The following NEURL1 variants were observed in gnomAD, a reference collection of about 807,000 sequenced individuals.
NEURL1 encodes the protein E3 ubiquitin-protein ligase NEURL1.
A neutral mutation model predicts 41.2 loss-of-function variants in NEURL1; 26 were observed. That is an observed-to-expected ratio of 0.63 (90% CI 0.46 to 0.87). The LOEUF is 0.87. NEURL1 is among the 40% of genes least tolerant of loss of function. NEURL1 has a pLI of 0.00. For synonymous variants in NEURL1, 400 were observed against 402.3 expected, an observed-to-expected ratio of 0.99 and a Z score of 0.07; for missense variants, 761 against 871.1, an observed-to-expected ratio of 0.87 and a Z score of 1.59.
rs1192680155 is a variant in NEURL1, at chr10:103,566,373, C to T, written c.86-4499C>T. Among the ~76,000 whole-genome samples the T allele has an allele frequency of 2.0e-5, 3 of 152,172 alleles. No homozygotes were observed. Among genetic ancestry groups the T allele is most frequent in the African/African-American group, 7.2e-5 (3 of 41,426 alleles). ...CCTGCCTCTTTGTAGTCAAATCTCT[C>T]CCCTACTCTCCTTCTCTGATACCTA... On this transcript the variant is annotated intron_variant, in intron 1 of 5. Coordinates refer to ENST00000369780, the MANE Select transcript of NEURL1 (RefSeq NM_004210.5). The surrounding 1 kb of genome is among the most constrained non-coding windows in gnomAD (Gnocchi z 4.2).
intron 1 of NEURL1, among the ~76,000 whole-genome samples, chr10:103,563,857 C>T (rs2035360069): frequency 6.6e-6 from 1 of 152,214 alleles, no homozygotes; most frequent in South Asian, 2.1e-4. Context: ...CAGATCTGGG[C>T]TCCTCACTCA....
intron 1 of NEURL1, among the ~76,000 whole-genome samples, chr10:103,564,675 G>A (rs954066562): frequency 1.3e-4 from 20 of 152,282 alleles, no homozygotes; most frequent in African/African-American, 3.9e-4. Context: ...TAACCATTCC[G>A]AATCCAACTC....
chr10:103,574,209 T>C (rs778248766), intron 3 of NEURL1, among the ~76,000 whole-genome samples: 3 of 152,056 alleles, frequency 2.0e-5, no homozygotes, highest in South Asian at 2.1e-4. Context: ...CCCAGGCTCA[T>C]TGGGAAGTTA....
intron 1 of NEURL1, among the ~76,000 whole-genome samples, chr10:103,521,761 G>C (rs1442969683): frequency 6.6e-6 from 1 of 152,118 alleles, no homozygotes; most frequent in Non-Finnish European, 1.5e-5. Context: ...GGGAGTGATC[G>C]ATGAGAAGGA....
intron 1 of NEURL1, among the ~76,000 whole-genome samples, chr10:103,563,729 C>T (rs1267008366): frequency 6.6e-6 from 1 of 151,882 alleles, no homozygotes; most frequent in Non-Finnish European, 1.5e-5. Context: ...TTTTAATCCT[C>T]ACAAGAATCC....
chr10:103,550,267 G>A (rs2035006891), intron 1 of NEURL1, among the ~76,000 whole-genome samples: 1 of 152,292 alleles, frequency 6.6e-6, no homozygotes, highest in South Asian at 2.1e-4. Context: ...TGTCTGAAAG[G>A]GGTCAGGGGA....
chr10:103,575,935 C>T (rs867609437), intron 3 of NEURL1, among the ~76,000 whole-genome samples: 2 of 152,264 alleles, frequency 1.3e-5, no homozygotes, highest in Admixed American at 6.5e-5. Flanking sequence ...AATGTCAATT[C>T]AGGAAGAGCA....
intron 1 of NEURL1, among the ~76,000 whole-genome samples, chr10:103,505,220 A>ATTTTT (rs34595199): frequency 7.8e-6 from 1 of 128,638 alleles, no homozygotes; most frequent in Non-Finnish European, 1.6e-5. Context: ...AGCCCAGCTA[A>ATTTTT]TTTTTTTTTT....
chr10:103,579,429 A>G, intron 3 of NEURL1, among the ~76,000 whole-genome samples: 1 of 152,198 alleles, frequency 6.6e-6, no homozygotes, highest in Non-Finnish European at 1.5e-5. Flanking sequence ...TCTGGGATAC[A>G]TATGGATTCC....
intron 1 of NEURL1, among the ~76,000 whole-genome samples, chr10:103,570,155 CTT>C (rs1333926006): frequency 3.9e-5 from 6 of 152,238 alleles, no homozygotes; most frequent in African/African-American, 1.4e-4. Context: ...GCTCCACCCT[CTT>C]CTCCATTCTT....
At chr10:103,575,304 C>G (rs539953559) in intron 3 of NEURL1, among the ~76,000 whole-genome samples, 2 of 152,238 alleles carry the variant, frequency 1.3e-5, no homozygotes, top group East Asian at 3.9e-4. Context: ...CCGCTGCTGT[C>G]TCTCTTCTGA....
chr10:103,493,757 C>A lies in NEURL1; in HGVS notation c.-631C>A, dbSNP rs965030895. Reference sequence around the variant, plus strand: ...ACCATAACAACCGGAGCGAGGGAATCCTGGAGACTGCCGGGGCGGGGGGCG... The same window carrying A: ...ACCATAACAACCGGAGCGAGGGAATACTGGAGACTGCCGGGGCGGGGGGCG... On this transcript the variant is annotated 5_prime_UTR_variant, in exon 1 of 6. Coordinates refer to ENST00000369780, the MANE Select transcript of NEURL1 (RefSeq NM_004210.5). Among the ~76,000 whole-genome samples the A allele has an allele frequency of 1.3e-5, 2 of 152,016 alleles. No individual in the cohort carries two copies. The highest frequency in any genetic ancestry group is 2.9e-5 in the Non-Finnish European group (2 of 67,938).
chr10:103,516,203 G>GACT (rs2034200933), intron 1 of NEURL1, among the ~76,000 whole-genome samples: 3 of 140,624 alleles, frequency 2.1e-5, no homozygotes, highest in African/African-American at 8.0e-5. Flanking sequence ...ACTCCAGCCT[G>GACT]GGTGATAGAG....
intron 1 of NEURL1, among the ~76,000 whole-genome samples, chr10:103,562,615 T>C (rs2035321699): frequency 6.6e-6 from 1 of 152,110 alleles, no homozygotes. Context: ...AACAAGTGCC[T>C]CGGGGTATCT....
chr10:103,503,223 A>G (rs2033866129), intron 1 of NEURL1, among the ~76,000 whole-genome samples: 1 of 152,214 alleles, frequency 6.6e-6, no homozygotes, highest in Non-Finnish European at 1.5e-5. Context: ...GAGGGAGAAT[A>G]TAGCTTCTGG....
rs2034902200 is a variant in NEURL1 at position 103,545,218 on chromosome 10, G to A, written c.86-25654G>A. Among the ~76,000 whole-genome samples the A allele has an allele frequency of 2.0e-5, 3 of 152,352 alleles. No individual in the cohort carries two copies. In the South Asian group the frequency reaches 6.2e-4, roughly 32 times the overall value. ...ACCCTGTGGTGGCTCCCCTCCTTGG[G>A]CTGTCCTTTGTGCAGGAATACCACA... On this transcript the variant is annotated intron_variant, in intron 1 of 5. Transcript: ENST00000369780. The surrounding 1 kb of genome is among the most constrained non-coding windows in gnomAD (Gnocchi z 4.5).
At chr10:103,513,769 G>C (rs987754415) in intron 1 of NEURL1, among the ~76,000 whole-genome samples, 2 of 140,704 alleles carry the variant, frequency 1.4e-5, no homozygotes, top group African/African-American at 5.1e-5. Flanking sequence ...GTGAGGGTGG[G>C]GGGTGGGAGG....
chr10:103,516,726 G>A (rs1285490272), intron 1 of NEURL1, among the ~76,000 whole-genome samples: 6 of 152,184 alleles, frequency 3.9e-5, no homozygotes, highest in Non-Finnish European at 2.9e-5. Context: ...AAGGGCCTAC[G>A]AATTGCCTGG....
chr10:103,560,700 G>C (rs2035273012), intron 1 of NEURL1, among the ~76,000 whole-genome samples: 1 of 152,168 alleles, frequency 6.6e-6, no homozygotes, highest in Non-Finnish European at 1.5e-5. Context: ...CTTAGGAGGA[G>C]AGAGGGGACT....
Sources: gnomAD v4.1 joint callset for allele counts (sites outside exome capture counted in the v4.1 genomes callset) on GRCh38, gnomAD v4.1.1 for gene constraint, Gnocchi (gnomAD v3.1) non-coding constraint, MANE v1.5 for transcripts, NCBI Gene and HGNC (gene_info 2026-07-23, HGNC 2026-07-21) for gene names.